Variants in PER2 observed in about 807,000 individuals in gnomAD.
The protein encoded by PER2 is period circadian protein homolog 2.
Under a neutral mutation model 121.0 loss-of-function variants are expected in PER2, and 66 were observed. The ratio of observed to expected loss-of-function variants is 0.55; its 90% CI spans 0.45 to 0.67. The LOEUF is 0.67. Ranked by LOEUF, PER2 falls within the 30% of genes least tolerant of loss-of-function variation. The probability of loss-of-function intolerance (pLI) is 0.00; values close to 1 mark genes in which losing one functional copy is unlikely to be tolerated. For synonymous variants in PER2, 684 were observed against 659.9 expected (o/e 1.04, Z -0.56); for missense variants, 1,521 against 1,635.0 (o/e 0.93, Z 1.20).
At position 238,252,617 on chromosome 2, in the gene PER2, T is replaced by C. The variant is rs1280346081; in HGVS notation, c.3111+295A>G. Among the ~76,000 whole-genome samples, 1 of 152,208 alleles carries C rather than the reference T, an allele frequency of 6.6e-6. No homozygotes were observed. The highest frequency in any genetic ancestry group is 6.5e-5 in the Admixed American group (1 of 15,286). ...TGTGCTTTATCTCTGAAGCGTCATT[T>C]AAAAAGTCGAAGCCCACAAATACTG... On this transcript the variant is annotated intron_variant, in intron 19 of 22. Coordinates refer to ENST00000254657, the MANE Select transcript of PER2 (RefSeq NM_022817.3). This position sits in a 1 kb window ranked among gnomAD's most constrained non-coding sequence, Gnocchi z 4.2.
At chr2:238,280,350 T>C (rs1696593438) in intron 1 of PER2, among the ~76,000 whole-genome samples, 1 of 152,202 alleles carries the variant, frequency 6.6e-6, no homozygotes, top group South Asian at 2.1e-4. Context: ...CAGGGCCGAC[T>C]AGACCTCGCC....
chr2:238,296,828 A>C, the PER2 span, among the ~76,000 whole-genome samples: 149 of 152,352 alleles, frequency 9.8e-4, no homozygotes, highest in African/African-American at 3.6e-3. Context: ...ATCCCCACCA[A>C]GGCTGCAGCC....
At chr2:238,281,650 C>T (rs1291510273) in intron 1 of PER2, among the ~76,000 whole-genome samples, 1 of 152,214 alleles carries the variant, frequency 6.6e-6, no homozygotes, top group Non-Finnish European at 1.5e-5. Flanking sequence ...GAGGCTCAAC[C>T]TCATTAGCAT....
At chr2:238,274,894 G>T (rs1297956305) in intron 4 of PER2, among the ~76,000 whole-genome samples, 4 of 152,190 alleles carry the variant, frequency 2.6e-5, no homozygotes, top group African/African-American at 9.6e-5. Flanking sequence ...AAAAATGCAA[G>T]AGTCCAAGCT....
intron 1 of PER2, among the ~76,000 whole-genome samples, chr2:238,280,964 A>G (rs1177776180): frequency 6.6e-6 from 1 of 152,018 alleles, no homozygotes; most frequent in East Asian, 1.9e-4. Flanking sequence ...AGTCTTGGAT[A>G]TCTCTTCAGC....
chr2:238,292,469 A>G (rs1413140339), upstream of PER2, among the ~76,000 whole-genome samples: 1 of 152,172 alleles, frequency 6.6e-6, no homozygotes, highest in Admixed American at 6.5e-5. Context: ...AGGATGCCCT[A>G]GAGATCACAG....
intron 1 of PER2, among the ~76,000 whole-genome samples, chr2:238,282,840 A>G (rs576222976): frequency 6.6e-6 from 1 of 152,348 alleles, no homozygotes; most frequent in East Asian, 1.9e-4. Flanking sequence ...TGACATTTCA[A>G]TGAGGGTGGC....
chr2:238,277,570 A>G (rs1696492577), intron 2 of PER2, 137 bp downstream of exon 2: 1 of 1,047,314 alleles, frequency 9.5e-7, no homozygotes, highest in Non-Finnish European at 1.4e-6. Context: ...ACACTGGCAC[A>G]TTTTAGGTAT....
upstream of PER2, among the ~76,000 whole-genome samples, chr2:238,291,044 A>G (rs1158178072): frequency 6.6e-6 from 1 of 152,246 alleles, no homozygotes; most frequent in Admixed American, 6.5e-5. Flanking sequence ...GCCAGCCCAC[A>G]CTGGCCAGCT....
intron 20 of PER2, among the ~76,000 whole-genome samples, chr2:238,251,098 G>T (rs1343639166): frequency 6.6e-6 from 1 of 152,240 alleles, no homozygotes; most frequent in Non-Finnish European, 1.5e-5. Context: ...GGCCTGGAGC[G>T]CTCCCTAGCC....
At chr2:238,281,238 G>A (rs1030226386) in intron 1 of PER2, among the ~76,000 whole-genome samples, 1 of 152,100 alleles carries the variant, frequency 6.6e-6, no homozygotes, top group Non-Finnish European at 1.5e-5. Context: ...TCTTGACCTC[G>A]TGATCTGCCC....
At chr2:238,270,485 G>C (rs1217429940) in intron 6 of PER2, among the ~76,000 whole-genome samples, 1 of 151,764 alleles carries the variant, frequency 6.6e-6, no homozygotes, top group Non-Finnish European at 1.5e-5. Context: ...AAAGAAATTA[G>C]GAAAGTAGAA....
intron 14 of PER2, 110 bp from the exon 15 acceptor site, chr2:238,258,754 C>T: frequency 9.0e-7 from 1 of 1,111,096 alleles, no homozygotes; most frequent in Non-Finnish European, 1.3e-6. Context: ...GACTCAGAAT[C>T]TGCTTCATGA....
Position 238,253,186 on chromosome 2 carries a change from T to C in PER2, c.2837A>G (p.Gln946Arg). Residue 946 changes from glutamine to arginine, a missense_variant, in exon 19 of 23, where the codon CAG (glutamine) becomes CGG (arginine). Gln to Arg is a conservative substitution (Grantham distance 43). Transcript: ENST00000254657. This position sits in a 1 kb window ranked among gnomAD's most constrained non-coding sequence, Gnocchi z 5.6. ...CGAGGTCCGGCTGGGGAACTCAGGC[T>C]GTGAGGCAGAGGCCATCTCGGATGT... ...TLTSEMASASQPEFPSRTSIP... is the reference protein window; with the variant it reads ...TLTSEMASASRPEFPSRTSIP... 5 of 1,593,992 alleles carry C rather than the reference T, an allele frequency of 3.1e-6. No homozygotes were observed. Among genetic ancestry groups the C allele is most frequent in the Non-Finnish European group, 4.3e-6 (5 of 1,167,256 alleles).
chr2:238,288,267 G>A (rs932660988), intron 1 of PER2, 82 bp downstream of exon 1: 2 of 152,276 alleles, frequency 1.3e-5, no homozygotes, highest in Admixed American at 6.5e-5. Context: ...GGGAGGGAGG[G>A]TTCCCAAAAG....
intron 16 of PER2, 142 bp downstream of exon 16, chr2:238,258,134 T>G (rs1015644095): frequency 1.1e-6 from 1 of 907,502 alleles, no homozygotes; most frequent in Non-Finnish European, 1.8e-6. Context: ...CTAAGAAGGG[T>G]GCTGACTTTT....
In PER2 at chr2:238,260,046, C is replaced by T. The variant is rs374720956; in HGVS notation, c.1550G>A (p.Cys517Tyr). Reference sequence around the variant, plus strand: ...ATTTTTGGTCTTGTTACCATTTTTACAAATTTCCTTGAAGAAAAACAAAAT... The same window carrying T: ...ATTTTTGGTCTTGTTACCATTTTTATAAATTTCCTTGAAGAAAAACAAAAT... ...EDSRRRRAEI[C>Y]KNGNKTKNRS... Residue 517 changes from cysteine to tyrosine, a missense_variant, in exon 14 of 23, where the codon TGT becomes TAT. Transcript: ENST00000254657. 1.4e-5 allele frequency: 20 copies of T among 1,443,044 alleles called. No homozygotes were observed. Among genetic ancestry groups the T allele is most frequent in the Non-Finnish European group, 1.9e-5 (20 of 1,031,538 alleles). The allele number at this position is 1,443,044 out of a possible 1,614,324, so 89.4% of individuals were successfully genotyped here.
At chr2:238,261,513 A>G in intron 12 of PER2, 1 of 605,336 alleles carries the variant, frequency 1.7e-6, no homozygotes, top group Non-Finnish European at 3.0e-6. Flanking sequence ...TGCAGTTCAG[A>G]CAAGGTCGAA....
chr2:238,248,721 T>C (rs1695513356), intron 22 of PER2, among the ~76,000 whole-genome samples: 1 of 151,008 alleles, frequency 6.6e-6, no homozygotes, highest in South Asian at 2.1e-4. Flanking sequence ...AGTGGTGCCA[T>C]CTTGGCTCCC....
Sources: gnomAD v4.1 joint callset for allele counts (sites outside exome capture counted in the v4.1 genomes callset) on GRCh38, gnomAD v4.1.1 for gene constraint, Gnocchi (gnomAD v3.1) non-coding constraint, MANE v1.5 for transcripts, NCBI Gene and HGNC (gene_info 2026-07-23, HGNC 2026-07-21) for gene names.